Variants in MIPEP observed in about 807,000 individuals in gnomAD.
The protein encoded by MIPEP is mitochondrial intermediate peptidase.
In MIPEP, 79 loss-of-function variants were observed where a neutral mutation model predicts 90.3. The ratio of observed to expected loss-of-function variants is 0.87; its 90% CI spans 0.73 to 1.05. The LOEUF is 1.05. Ranked by LOEUF, MIPEP falls within the 50% of genes least tolerant of loss-of-function variation. MIPEP has a pLI of 0.00. For synonymous variants in MIPEP, 334 were observed against 315.8 expected (o/e 1.06, Z -0.61); for missense variants, 940 against 905.6 (o/e 1.04, Z -0.49).
chr13:23,796,851 G>T (rs1952968488), intron 16 of MIPEP, among the ~76,000 whole-genome samples: 1 of 152,152 alleles, frequency 6.6e-6, no homozygotes, highest in African/African-American at 2.4e-5. Flanking sequence ...ATCTTCTCTA[G>T]AAATCAAGCA....
chr13:23,837,576 G>A lies in MIPEP; in HGVS notation c.1519C>T (p.Arg507Cys), dbSNP rs188162736. 3.8e-5 allele frequency: 62 copies of A among 1,613,554 alleles called. No homozygotes were observed. The highest frequency in any genetic ancestry group is 1.7e-4 in the Middle Eastern group (1 of 6,052). The change falls in exon 13 of 19, where the codon CGT becomes TGT. Residue 507 changes from arginine (R) to cysteine (C), a missense_variant. Arg to Cys is a radical substitution (Grantham distance 180). Transcript: ENST00000382172. ...MGHAMHSMLG[R>C]TRYQHVTGTR... is the part of the protein sequence containing the mutation. Reference sequence around the variant, plus strand: ...CCAGTGACGTGTTGGTAACGAGTACGTCCTAGCATTGAATGCATGGCATGT... The same window carrying A: ...CCAGTGACGTGTTGGTAACGAGTACATCCTAGCATTGAATGCATGGCATGT...
intron 16 of MIPEP, among the ~76,000 whole-genome samples, chr13:23,793,462 G>C (rs945526298): frequency 2.6e-5 from 4 of 152,072 alleles, no homozygotes; most frequent in Admixed American, 6.5e-5. Flanking sequence ...TGGTTCCACA[G>C]GCAAACATAT....
intron 18 of MIPEP, among the ~76,000 whole-genome samples, chr13:23,742,324 T>C (rs1952339744): frequency 6.6e-6 from 1 of 152,230 alleles, no homozygotes; most frequent in South Asian, 2.1e-4. Flanking sequence ...AGCAAGGGTT[T>C]AGTAAGAGAT....
intron 16 of MIPEP, among the ~76,000 whole-genome samples, chr13:23,786,757 T>C (rs776356006): frequency 1.3e-5 from 2 of 152,036 alleles, no homozygotes; most frequent in Admixed American, 1.3e-4. Flanking sequence ...GCAGTGAGGG[T>C]TGTCAAAAGA....
chr13:23,760,587 G>C (rs1245883254), intron 16 of MIPEP: 1 of 538,088 alleles, frequency 1.9e-6, no homozygotes, highest in Non-Finnish European at 3.8e-6. Context: ...ACAGAGGAAA[G>C]GCTGTCTGCA....
intron 14 of MIPEP, among the ~76,000 whole-genome samples, chr13:23,833,238 T>A (rs1009536466): frequency 1.4e-4 from 21 of 152,020 alleles, no homozygotes; most frequent in Non-Finnish European, 2.4e-4. Context: ...ACTTAAGATT[T>A]AAAAAAAATA....
At chr13:23,833,938 C>T (rs939752620) in intron 14 of MIPEP, among the ~76,000 whole-genome samples, 2 of 152,112 alleles carry the variant, frequency 1.3e-5, no homozygotes, top group Non-Finnish European at 2.9e-5. Context: ...AGTGATGCTC[C>T]CCACGTCTCC....
At chr13:23,756,789 G>A (rs1195940216) in intron 17 of MIPEP, 171 bp from the exon 18 acceptor site, 1 of 610,394 alleles carries the variant, frequency 1.6e-6, no homozygotes, top group Admixed American at 3.0e-5. Context: ...CTTTTAAATT[G>A]TTCTAAAATA....
At chr13:23,870,300 A>G in intron 5 of MIPEP, 105 bp from the exon 6 acceptor site, 1 of 568,598 alleles carries the variant, frequency 1.8e-6, no homozygotes, top group Non-Finnish European at 2.7e-6. Flanking sequence ...ATATTGTTGA[A>G]TTATCACTTA....
intron 14 of MIPEP, among the ~76,000 whole-genome samples, chr13:23,831,386 G>GGGGCGGC (rs1555237548): frequency 2.9e-5 from 2 of 69,416 alleles, no homozygotes; most frequent in African/African-American, 5.1e-5. Context: ...CCCATGGCGG[G>GGGGCGGC]GGGGGGATGT....
Position 23,889,225 on chromosome 13 carries a change from C to A in MIPEP, c.96G>T (p.Arg32=). The change falls in exon 1 of 19, where the codon CGG becomes CGT. Residue 32 remains arginine, a synonymous_variant. Transcript: ENST00000382172. ...ACCAGCTGGTGCTGACCCTTCGGGCCCGGATCCCGGCTTCGAGGCTTCCCC... is the reference window on the plus strand; with the variant it reads ...ACCAGCTGGTGCTGACCCTTCGGGCACGGATCCCGGCTTCGAGGCTTCCCC... ...AGRGSLEAGI[R]ARRVSTSWSP... 1 of 1,417,938 alleles carries A rather than the reference C, an allele frequency of 7.1e-7. No individual in the cohort carries two copies. Among genetic ancestry groups the A allele is most frequent in the East Asian group, 3.0e-5 (1 of 33,112 alleles). The allele number at this position is 1,417,938 out of a possible 1,614,324, so 87.8% of individuals were successfully genotyped here. A position where few individuals can be genotyped will look rare whatever the true frequency, so the allele number is the denominator to read the frequency against.
At chr13:23,858,802 G>A in intron 10 of MIPEP, 58 bp downstream of exon 10, 1 of 1,473,268 alleles carries the variant, frequency 6.8e-7, no homozygotes. Flanking sequence ...AGTAGCTGCT[G>A]AATAAACATT....
chr13:23,758,322 A>C (rs1045664074), intron 17 of MIPEP, among the ~76,000 whole-genome samples: 2 of 152,182 alleles, frequency 1.3e-5, no homozygotes, highest in African/African-American at 4.8e-5. Context: ...ATTTCTCAGG[A>C]GTGAGATCAA....
intron 16 of MIPEP, among the ~76,000 whole-genome samples, chr13:23,768,045 T>G (rs999334686): frequency 3.9e-4 from 59 of 152,226 alleles, no homozygotes; most frequent in Non-Finnish European, 7.4e-4. Flanking sequence ...TGCAGCTGGG[T>G]TCTGCAAAAG....
At chr13:23,826,281 AAATTAGTTATATCAAAGATCTAAAC>A (rs1324405849) in intron 14 of MIPEP, among the ~76,000 whole-genome samples, 1 of 152,146 alleles carries the variant, frequency 6.6e-6, no homozygotes, top group Admixed American at 6.5e-5. Context: ...CTATATCAAA[AAATTAGTTATATCAAAGATCTAAAC>A]AATACAATTA....
chr13:23,819,385 C>A (rs548086349), intron 14 of MIPEP, among the ~76,000 whole-genome samples: 36 of 152,312 alleles, frequency 2.4e-4, no homozygotes, highest in African/African-American at 8.7e-4. Context: ...TGATGCTAAT[C>A]AATCGGCTTT....
intron 16 of MIPEP, among the ~76,000 whole-genome samples, chr13:23,798,541 G>T (rs1400662402): frequency 6.6e-6 from 1 of 152,170 alleles, no homozygotes; most frequent in Non-Finnish European, 1.5e-5. Flanking sequence ...ATATAGTCTA[G>T]ATATGTGTCT....
chr13:23,787,070 A>C lies in MIPEP; in HGVS notation c.1848+18880T>G, dbSNP rs571407207. Among the ~76,000 whole-genome samples, 15 of 152,324 alleles carry C rather than the reference A, an allele frequency of 9.8e-5. No individual in the cohort carries two copies. The South Asian group carries it at 2.5e-3, about 25-fold the overall frequency. ...AACGCCACAGCTTGACACGCAGGTA[A>C]GTGGCAAGCAGATTGCTCAGTGCAA... is the stretch of plus-strand genomic sequence containing the variant. On this transcript the variant is annotated intron_variant, in intron 16 of 18. Coordinates refer to ENST00000382172, the MANE Select transcript of MIPEP (RefSeq NM_005932.4).
chr13:23,880,773 T>C (rs1256585934), intron 3 of MIPEP, among the ~76,000 whole-genome samples: 2 of 152,240 alleles, frequency 1.3e-5, no homozygotes, highest in Non-Finnish European at 2.9e-5. Flanking sequence ...TGAACAAATG[T>C]TGGCGACCTG....
Sources: allele counts gnomAD v4.1 joint callset (sites outside exome capture counted in the v4.1 genomes callset), GRCh38; gene constraint gnomAD v4.1.1; transcripts MANE v1.5; gene names NCBI Gene and HGNC (gene_info 2026-07-23, HGNC 2026-07-21).